FRZB: variants seen among roughly 807,000 people sequenced by gnomAD.
The protein encoded by FRZB is secreted frizzled-related protein 3.
Under a neutral mutation model 32.5 loss-of-function variants are expected in FRZB, and 34 were observed. That is an observed-to-expected ratio of 1.05 (90% CI 0.80 to 1.39). The LOEUF is 1.39. Among genes scored for constraint, FRZB ranks in the 40% most tolerant of loss-of-function variants. The pLI is 0.00. For missense variants in FRZB, 423 were observed against 424.8 expected (o/e 1.00, Z 0.04); for synonymous variants, 170 against 159.2 (o/e 1.07, Z -0.51).
chr2:182,850,474 G>A (rs561886828), intron 2 of FRZB, among the ~76,000 whole-genome samples: 1 of 152,200 alleles, frequency 6.6e-6, no homozygotes, highest in South Asian at 2.1e-4. Flanking sequence ...GAAGGAGAAC[G>A]TGTGATATTG....
At chr2:182,860,810 T>G (rs975147600) in intron 1 of FRZB, among the ~76,000 whole-genome samples, 1 of 142,420 alleles carries the variant, frequency 7.0e-6, no homozygotes, top group Admixed American at 7.5e-5. Context: ...GAGGTTGCAG[T>G]GAGCAGAGAT....
At chr2:182,862,262 C>G (rs573132942) in intron 1 of FRZB, among the ~76,000 whole-genome samples, 1 of 152,304 alleles carries the variant, frequency 6.6e-6, no homozygotes, top group East Asian at 1.9e-4. Flanking sequence ...TAACACTGCC[C>G]CAGAAGCCAG....
At position 182,849,227 on chromosome 2, in the gene FRZB, AAAATAAATAAATAAAT is replaced by A. The variant is rs61703753; in HGVS notation, c.527-6700_527-6685del. ...GGGCGACAGAGCAAGACTCCGTCTC[AAAATAAATAAATAAAT>A]AAATAAATAAATAAATAAATAAATA... On this transcript the variant is annotated intron_variant, in intron 2 of 5. Transcript: ENST00000295113. Among the ~76,000 whole-genome samples, 489 of 146,558 alleles carry A rather than the reference AAAATAAATAAATAAAT, an allele frequency of 3.3e-3. 2 individuals carry two copies. The highest frequency in any genetic ancestry group is 0.011 in the African/African-American group (443 of 39,146).
intron 2 of FRZB, among the ~76,000 whole-genome samples, chr2:182,843,320 T>C (rs992617331): frequency 6.6e-6 from 1 of 152,172 alleles, no homozygotes; most frequent in Non-Finnish European, 1.5e-5. Context: ...ATAGGGTAGA[T>C]TCATTTGACA....
At chr2:182,844,499 CTT>C (rs1319767906) in intron 2 of FRZB, among the ~76,000 whole-genome samples, 2 of 152,044 alleles carry the variant, frequency 1.3e-5, no homozygotes, top group Non-Finnish European at 2.9e-5. Context: ...CATATATAGA[CTT>C]GTGATTTTTC....
intron 3 of FRZB, among the ~76,000 whole-genome samples, chr2:182,839,743 G>GT (rs1032023534): frequency 1.6e-4 from 24 of 152,112 alleles, no homozygotes; most frequent in African/African-American, 5.5e-4. Flanking sequence ...TAAAAAGCCA[G>GT]TGGCATTTCT....
chr2:182,838,327 C>A, intron 4 of FRZB, 82 bp downstream of exon 4: 3 of 1,163,802 alleles, frequency 2.6e-6, no homozygotes, highest in South Asian at 1.4e-5. Flanking sequence ...TGTAAAAATG[C>A]GAGGGTAGCA....
intron 2 of FRZB, among the ~76,000 whole-genome samples, chr2:182,851,652 T>A (rs773157203): frequency 6.6e-6 from 1 of 150,598 alleles, no homozygotes; most frequent in Non-Finnish European, 1.5e-5. Context: ...TGAGACTCCA[T>A]CTCAAAAAAA....
In FRZB at chr2:182,858,790, G is replaced by T; in HGVS notation, c.522C>A (p.Ser174Arg). ...GGAAGATAATGATATACTCACCACT[G>T]CTTGCCCCTCTACAGTTTCCGTTAC... is the stretch of plus-strand genomic sequence containing the variant. ...DSSNGNCRGA[S>R]SERCKCKPIR... Residue 174 changes from serine (S) to arginine (R), a missense_variant, in exon 2 of 6, where the codon AGC (serine) becomes AGA (arginine). Coordinates refer to ENST00000295113, the MANE Select transcript of FRZB (RefSeq NM_001463.4). The T allele has an allele frequency of 6.2e-7, 1 of 1,609,306 alleles. No individual in the cohort carries two copies. Among genetic ancestry groups the T allele is most frequent in the Non-Finnish European group, 8.5e-7 (1 of 1,176,584 alleles).
At chr2:182,846,170 T>C (rs79804181) in intron 2 of FRZB, among the ~76,000 whole-genome samples, 7,903 of 152,306 alleles carry the variant, frequency 0.052, 270 homozygotes, top group Non-Finnish European at 0.075. Flanking sequence ...TCTTAGAAGA[T>C]CTAAAGAAGT....
intron 1 of FRZB, among the ~76,000 whole-genome samples, chr2:182,864,107 C>A (rs1695863919): frequency 6.6e-6 from 1 of 152,236 alleles, no homozygotes; most frequent in Non-Finnish European, 1.5e-5. Flanking sequence ...TGTTTCCATG[C>A]ATGTCCTATT....
At chr2:182,841,705 A>T (rs1695587757) in intron 3 of FRZB, among the ~76,000 whole-genome samples, 1 of 152,200 alleles carries the variant, frequency 6.6e-6, no homozygotes, top group African/African-American at 2.4e-5. Context: ...TCTAAAATAT[A>T]CACCAGCATC....
chr2:182,859,696 A>G (rs1695808894), intron 1 of FRZB, among the ~76,000 whole-genome samples: 1 of 152,164 alleles, frequency 6.6e-6, no homozygotes, highest in Non-Finnish European at 1.5e-5. Flanking sequence ...AATAAATTAA[A>G]CAAGGGGTTA....
chr2:182,854,710 C>G (rs1050533245), intron 2 of FRZB, among the ~76,000 whole-genome samples: 1 of 152,172 alleles, frequency 6.6e-6, no homozygotes, highest in African/African-American at 2.4e-5. Context: ...ACTTGTAGTT[C>G]CAAAAGACTG....
intron 1 of FRZB, among the ~76,000 whole-genome samples, chr2:182,863,413 A>G (rs548115826): frequency 6.6e-6 from 1 of 152,342 alleles, no homozygotes; most frequent in East Asian, 1.9e-4. Context: ...CAAAAATATG[A>G]TTACCCTTAG....
chr2:182,866,203 T>C lies in FRZB; in HGVS notation c.350A>G (p.Gln117Arg). The stretch of plus-strand genomic sequence containing the variant: ...CTTGATGAGTATGGGCTCACAGCCC[T>C]GCCGGGCCCGCTCGCACACAGACTT... ...PCKSVCERAR[Q>R]GCEPILIKYR... The change falls in exon 1 of 6, where the codon CAG becomes CGG. Residue 117 changes from glutamine to arginine, a missense_variant. Physicochemically the swap from Gln to Arg is conservative, Grantham distance 43. Transcript: ENST00000295113. The surrounding 1 kb of genome is among the most constrained non-coding windows in gnomAD (Gnocchi z 4.5). 1.2e-6 allele frequency: 2 copies of C among 1,614,174 alleles called. No individual in the cohort carries two copies. Among genetic ancestry groups the C allele is most frequent in the Non-Finnish European group, 1.7e-6 (2 of 1,180,026 alleles).
intron 3 of FRZB, among the ~76,000 whole-genome samples, chr2:182,839,568 G>C (rs1695564731): frequency 6.6e-6 from 1 of 152,006 alleles, no homozygotes; most frequent in Non-Finnish European, 1.5e-5. Flanking sequence ...ATTGCCTTCA[G>C]TTGCAAAGTT....
At chr2:182,864,250 C>G (rs759708012) in intron 1 of FRZB, among the ~76,000 whole-genome samples, 1 of 152,208 alleles carries the variant, frequency 6.6e-6, no homozygotes, top group African/African-American at 2.4e-5. Context: ...CCAAACCTCA[C>G]TCACTCTAGG....
At chr2:182,844,060 C>T (rs1375041398) in intron 2 of FRZB, among the ~76,000 whole-genome samples, 3 of 152,150 alleles carry the variant, frequency 2.0e-5, no homozygotes, top group Non-Finnish European at 2.9e-5. Context: ...TACACTTTAA[C>T]ATAGCAGTCC....
Sources: allele counts gnomAD v4.1 joint callset (sites outside exome capture counted in the v4.1 genomes callset), GRCh38; gene constraint gnomAD v4.1.1; non-coding constraint Gnocchi (gnomAD v3.1); transcripts MANE v1.5; gene names NCBI Gene and HGNC (gene_info 2026-07-23, HGNC 2026-07-21).